Variants in CFH observed in about 807,000 individuals in gnomAD.
The protein encoded by CFH is H factor 1 (complement).
A neutral mutation model predicts 147.3 loss-of-function variants in CFH; 53 were observed. The observed-to-expected ratio is 0.36, with a 90% confidence interval of 0.29 to 0.45. The LOEUF is 0.45. Ranked by LOEUF, CFH falls within the 20% of genes least tolerant of loss-of-function variation. The probability of loss-of-function intolerance (pLI) is 1.00; values close to 1 mark genes in which losing one functional copy is unlikely to be tolerated. For missense variants in CFH, 1,380 were observed against 1,498.0 expected (o/e 0.92, Z 1.30); for synonymous variants, 536 against 489.4 (o/e 1.10, Z -1.26).
intron 9 of CFH, among the ~76,000 whole-genome samples, chr1:196,702,888 T>C (rs1204934087): frequency 1.3e-5 from 2 of 152,222 alleles, no homozygotes; most frequent in African/African-American, 4.8e-5. Flanking sequence ...AGAAGCCTAA[T>C]GAGGGTTGCT....
chr1:196,664,490 G>C (rs1425518479), intron 1 of CFH, among the ~76,000 whole-genome samples: 1 of 152,114 alleles, frequency 6.6e-6, no homozygotes, highest in Non-Finnish European at 1.5e-5. Context: ...ATAATGTCTC[G>C]CTACTCAGCT....
chr1:196,710,779 G>GT (rs34845806), intron 9 of CFH, among the ~76,000 whole-genome samples: 69,659 of 151,426 alleles, frequency 0.46, 16,346 homozygotes, highest in South Asian at 0.56. Flanking sequence ...TCTTACCCTA[G>GT]TTTTTTTTAT....
At chr1:196,710,524 A>T (rs1267551497) in intron 9 of CFH, among the ~76,000 whole-genome samples, 2 of 152,074 alleles carry the variant, frequency 1.3e-5, no homozygotes, top group Non-Finnish European at 2.9e-5. Flanking sequence ...TTAAGTCTTA[A>T]AATTTGGTAA....
At chr1:196,695,618 T>C (rs78006965) in intron 9 of CFH, among the ~76,000 whole-genome samples, 1 of 152,298 alleles carries the variant, frequency 6.6e-6, no homozygotes, top group Admixed American at 6.5e-5. Context: ...TTTCATGATA[T>C]TGATTCTTCC....
chr1:196,708,352 C>A (rs1017664344), intron 9 of CFH, among the ~76,000 whole-genome samples: 2 of 152,138 alleles, frequency 1.3e-5, no homozygotes, highest in Non-Finnish European at 2.9e-5. Context: ...CTTTCCAGGT[C>A]CAAGTAATAG....
chr1:196,661,348 A>G (rs552829662), intron 1 of CFH, among the ~76,000 whole-genome samples: 30 of 152,300 alleles, frequency 2.0e-4, no homozygotes, highest in Admixed American at 5.2e-4. Flanking sequence ...GTTAATGGGC[A>G]CTTCTAAAAC....
intron 9 of CFH, among the ~76,000 whole-genome samples, chr1:196,711,998 C>T (rs187541633): frequency 3.4e-4 from 51 of 152,210 alleles, no homozygotes; most frequent in East Asian, 3.9e-4. Context: ...TTTGGGAACA[C>T]TGAGTTTTGT....
At chr1:196,658,715 G>A (rs1418819729) in intron 1 of CFH, among the ~76,000 whole-genome samples, 1 of 151,846 alleles carries the variant, frequency 6.6e-6, no homozygotes, top group African/African-American at 2.4e-5. Context: ...ATGAGCCACC[G>A]CGCCCGGCCT....
chr1:196,690,391 T>C (rs1407670730), intron 9 of CFH, 152 bp downstream of exon 9: 2 of 977,420 alleles, frequency 2.0e-6, no homozygotes, highest in Admixed American at 1.9e-5. Flanking sequence ...TTCAACTGTG[T>C]ATAAATGAAT....
chr1:196,724,988 T>C (rs1465398511), intron 11 of CFH, 133 bp from the exon 12 acceptor site: 1 of 689,080 alleles, frequency 1.5e-6, no homozygotes, highest in African/African-American at 1.8e-5. Flanking sequence ...TAGCATTCTT[T>C]ACAGGGAAAA....
chr1:196,740,184 G>A (rs753570896), intron 17 of CFH, among the ~76,000 whole-genome samples: 11 of 152,274 alleles, frequency 7.2e-5, no homozygotes, highest in Non-Finnish European at 1.6e-4. Context: ...AGATTTGGGT[G>A]GGGACACAGC....
chr1:196,713,651 T>C (rs781681186), intron 9 of CFH, 84 bp from the exon 10 acceptor site: 1 of 909,356 alleles, frequency 1.1e-6, no homozygotes, highest in South Asian at 1.6e-5. Flanking sequence ...TGACTCATTA[T>C]TTTTTATATT....
At chr1:196,741,832 T>C (rs751090722) in intron 18 of CFH, 43 bp from the exon 19 acceptor site, 3 of 1,580,028 alleles carry the variant, frequency 1.9e-6, no homozygotes, top group Non-Finnish European at 2.6e-6. Context: ...TGTAACCTAT[T>C]TTTAAAGATT....
At chr1:196,747,027 T>C in intron 21 of CFH, 84 bp from the exon 22 acceptor site, 2 of 1,581,314 alleles carry the variant, frequency 1.3e-6, no homozygotes, top group Middle Eastern at 1.7e-4. Context: ...TGAACCATCA[T>C]ATAACATTCT....
chr1:196,674,725 T>C (rs779556303), intron 3 of CFH, among the ~76,000 whole-genome samples: 8 of 152,254 alleles, frequency 5.3e-5, no homozygotes, highest in Middle Eastern at 6.8e-3. Flanking sequence ...CAATAAAATA[T>C]AATAGTTTAA....
At chr1:196,706,946 C>T (rs528544884) in intron 9 of CFH, among the ~76,000 whole-genome samples, 11 of 152,170 alleles carry the variant, frequency 7.2e-5, no homozygotes, top group Non-Finnish European at 1.3e-4. Context: ...AAAATCATTC[C>T]GCTGCAAGAC....
chr1:196,688,212 A>G (rs1452990942), intron 7 of CFH, among the ~76,000 whole-genome samples: 1 of 152,004 alleles, frequency 6.6e-6, no homozygotes, highest in Non-Finnish European at 1.5e-5. Flanking sequence ...ATCCCATGAA[A>G]AGAGCAAATT....
At chr1:196,727,355 T>A (rs1182386236) in intron 14 of CFH, among the ~76,000 whole-genome samples, 2 of 151,894 alleles carry the variant, frequency 1.3e-5, no homozygotes, top group African/African-American at 4.8e-5. Context: ...AATTTTGTAA[T>A]TAGTTAAGGT....
intron 9 of CFH, among the ~76,000 whole-genome samples, chr1:196,702,622 A>G (rs1234819050): frequency 6.6e-5 from 10 of 152,048 alleles, no homozygotes. Context: ...AATTTGCTCA[A>G]TATTTTGTTG....
Sources: gnomAD v4.1 joint callset for allele counts (sites outside exome capture counted in the v4.1 genomes callset) on GRCh38, gnomAD v4.1.1 for gene constraint, MANE v1.5 for transcripts, NCBI Gene and HGNC (gene_info 2026-07-23, HGNC 2026-07-21) for gene names.